Variants in NPEPPS observed in about 807,000 individuals in gnomAD.
NPEPPS encodes puromycin-sensitive aminopeptidase.
NPEPPS carries 14 observed loss-of-function variants against 115.5 expected under a neutral mutation model. The ratio of observed to expected loss-of-function variants is 0.12; its 90% CI spans 0.08 to 0.19. The LOEUF is 0.19. Among genes scored for constraint, NPEPPS ranks in the 10% least tolerant of loss-of-function variants. The pLI is 1.00. For synonymous variants in NPEPPS, 285 were observed against 390.6 expected (o/e 0.73, Z 3.19); for missense variants, 523 against 1,110.8 (o/e 0.47, Z 7.52).
intron 1 of NPEPPS, among the ~76,000 whole-genome samples, chr17:47,526,000 C>T (rs905560128): frequency 1.3e-5 from 2 of 152,072 alleles, no homozygotes; most frequent in African/African-American, 4.8e-5. Flanking sequence ...CACCTGAGGT[C>T]GGGAGTTTGA....
chr17:47,592,700 A>G lies in NPEPPS; in HGVS notation c.1426+155A>G, dbSNP rs550040000. ...AGCTGTGTTCAGGTTGAATATCTCT[A>G]ATCTCAAAATCTGAAATTTGAAATG... On this transcript the variant is annotated intron_variant, in intron 12 of 22. Transcript: ENST00000322157. 9.3e-5 allele frequency: 56 copies of G among 601,874 alleles called. No individual in the cohort carries two copies. In the East Asian group the frequency reaches 1.5e-3, roughly 16 times the overall value. 37.3% of individuals were successfully genotyped at this position (601,874 alleles called of 1,614,324 possible). A position where few individuals can be genotyped will look rare whatever the true frequency, so the allele number is the denominator to read the frequency against.
At chr17:47,543,658 A>T (rs1908955721) in intron 1 of NPEPPS, among the ~76,000 whole-genome samples, 1 of 151,912 alleles carries the variant, frequency 6.6e-6, no homozygotes, top group South Asian at 2.1e-4. Flanking sequence ...TTAGATTGTC[A>T]AAAATATTAA....
intron 2 of NPEPPS, among the ~76,000 whole-genome samples, chr17:47,556,069 TTC>T (rs1485990519): frequency 2.8e-5 from 4 of 143,916 alleles, no homozygotes; most frequent in Non-Finnish European, 4.6e-5. Context: ...GTTCAAGCAA[TTC>T]TCTTTTTTTT....
chr17:47,524,652 G>T (rs1261676293), intron 1 of NPEPPS, among the ~76,000 whole-genome samples: 1 of 118,692 alleles, frequency 8.4e-6, no homozygotes, highest in Non-Finnish European at 1.7e-5. Context: ...CTGCCACCAC[G>T]CCTGGCTAAT....
chr17:47,525,895 A>G (rs1907411848), intron 1 of NPEPPS, among the ~76,000 whole-genome samples: 1 of 152,196 alleles, frequency 6.6e-6, no homozygotes, highest in South Asian at 2.1e-4. Context: ...TCTTGCAAAG[A>G]TACACATATA....
intron 2 of NPEPPS, among the ~76,000 whole-genome samples, chr17:47,566,975 G>A (rs946488255): frequency 2.0e-5 from 3 of 152,180 alleles, no homozygotes; most frequent in East Asian, 1.9e-4. Context: ...CAGCTATCCC[G>A]GAGGCTGAGG....
intron 3 of NPEPPS, among the ~76,000 whole-genome samples, chr17:47,572,628 C>G (rs1911266224): frequency 6.6e-6 from 1 of 151,940 alleles, no homozygotes. Flanking sequence ...GTATAAAAAA[C>G]CCAGTAAAAG....
intron 21 of NPEPPS, 56 bp from the exon 22 acceptor site, chr17:47,619,681 G>A: frequency 1.4e-6 from 2 of 1,379,734 alleles, no homozygotes; most frequent in Non-Finnish European, 2.1e-6. Context: ...AGGGTAAATG[G>A]AAGTTTGTTC....
In NPEPPS at chr17:47,602,225, T is replaced by C. The variant is rs1035211031; in HGVS notation, c.1740+478T>C. Among the ~76,000 whole-genome samples, 5 of 152,324 alleles carry C rather than the reference T, an allele frequency of 3.3e-5. No individual in the cohort carries two copies. The East Asian group carries it at 9.6e-4, about 29-fold the overall frequency. ...CCAATAGGTAAGAATTATTTTTCATTATTCTGTACTCTGTACCTTTCATAA... is the reference window on the plus strand; with the variant it reads ...CCAATAGGTAAGAATTATTTTTCATCATTCTGTACTCTGTACCTTTCATAA... On this transcript the variant is annotated intron_variant, in intron 15 of 22. Coordinates refer to ENST00000322157, the MANE Select transcript of NPEPPS (RefSeq NM_006310.4).
Position 47,623,035 on chromosome 17 carries a change from A to G in NPEPPS, c.*1115A>G, listed in dbSNP as rs1281386158. The G allele has an allele frequency of 8.2e-6, 3 of 365,136 alleles. No individual in the cohort carries two copies. Among genetic ancestry groups the G allele is most frequent in the Admixed American group, 3.7e-5 (1 of 26,884 alleles). The allele number at this position is 365,136 out of a possible 1,614,324, so 22.6% of individuals were successfully genotyped here. On this transcript the variant is annotated 3_prime_UTR_variant, in exon 23 of 23. Transcript: ENST00000322157. Reference sequence around the variant, plus strand: ...CAGTATATCCTAATAAGCCTCACCTATTTAATCCAATGAGTTTTAAATCTA... The same window carrying G: ...CAGTATATCCTAATAAGCCTCACCTGTTTAATCCAATGAGTTTTAAATCTA...
At chr17:47,596,630 T>G (rs1420804145) in intron 13 of NPEPPS, among the ~76,000 whole-genome samples, 168 bp downstream of exon 13, 1 of 152,218 alleles carries the variant, frequency 6.6e-6, no homozygotes, top group African/African-American at 2.4e-5. Flanking sequence ...TTATACATGC[T>G]TAAGAGAGAA....
intron 17 of NPEPPS, 114 bp from the exon 18 acceptor site, chr17:47,612,346 G>T: frequency 1.0e-6 from 1 of 983,332 alleles, no homozygotes; most frequent in Non-Finnish European, 1.5e-6. Flanking sequence ...TTAATTGAGT[G>T]TGTTTGTTCA....
intron 1 of NPEPPS, among the ~76,000 whole-genome samples, chr17:47,534,247 G>A (rs1334056133): frequency 2.0e-5 from 3 of 151,888 alleles, no homozygotes; most frequent in Admixed American, 1.3e-4. Flanking sequence ...GCCCGCCACT[G>A]CACCCAGCTA....
chr17:47,540,685 T>C (rs1441401454), intron 1 of NPEPPS, among the ~76,000 whole-genome samples: 1 of 152,232 alleles, frequency 6.6e-6, no homozygotes, highest in Non-Finnish European at 1.5e-5. Flanking sequence ...GTTAGGTGAA[T>C]GCTGTTAGAT....
chr17:47,527,484 C>CA (rs1428554981), upstream of NPEPPS, among the ~76,000 whole-genome samples: 2 of 150,618 alleles, frequency 1.3e-5, no homozygotes, highest in East Asian at 1.9e-4. Context: ...AACTCCATCT[C>CA]AAAAAAAACC....
chr17:47,613,376 C>T (rs1256598582), intron 18 of NPEPPS, among the ~76,000 whole-genome samples: 1 of 150,614 alleles, frequency 6.6e-6, no homozygotes, highest in African/African-American at 2.4e-5. Flanking sequence ...AGCAGTTCTC[C>T]GTGCCTCAGC....
At chr17:47,612,227 A>G (rs184396610) in intron 17 of NPEPPS, among the ~76,000 whole-genome samples, 1 of 152,326 alleles carries the variant, frequency 6.6e-6, no homozygotes, top group East Asian at 1.9e-4. Context: ...GATAGTTTGC[A>G]TTCGTGACTG....
chr17:47,601,158 C>A (rs1362511037), intron 14 of NPEPPS, among the ~76,000 whole-genome samples: 1 of 152,010 alleles, frequency 6.6e-6, no homozygotes, highest in Non-Finnish European at 1.5e-5. Flanking sequence ...CTTCTTGAAC[C>A]CGGGAGGTGG....
rs1402907797 is a variant in NPEPPS at position 47,544,948 on chromosome 17, G to A, written c.256-961G>A. On this transcript the variant is annotated intron_variant, in intron 1 of 22. Coordinates refer to ENST00000322157, the MANE Select transcript of NPEPPS (RefSeq NM_006310.4). ...TCAAACTCCTGACCTCAAGTGATCC[G>A]CCTGCCTCGGCCTCCCAAGGTGCCA... Among the ~76,000 whole-genome samples, 595 of 148,634 alleles carry A rather than the reference G, an allele frequency of 4.0e-3. 7 individuals are homozygous for A. The highest frequency in any genetic ancestry group is 0.014 in the African/African-American group (562 of 40,196).
Sources: allele counts gnomAD v4.1 joint callset (sites outside exome capture counted in the v4.1 genomes callset), GRCh38; gene constraint gnomAD v4.1.1; transcripts MANE v1.5; gene names NCBI Gene and HGNC (gene_info 2026-07-23, HGNC 2026-07-21).